Variants in SYN3 observed in about 807,000 individuals in gnomAD.
SYN3 encodes synapsin III, also known as synapsin-3.
A neutral mutation model predicts 65.8 loss-of-function variants in SYN3; 35 were observed. The ratio of observed to expected loss-of-function variants is 0.53; its 90% CI spans 0.41 to 0.70. The LOEUF is 0.70. Among genes scored for constraint, SYN3 ranks in the 30% least tolerant of loss-of-function variants. SYN3 has a pLI of 0.00. For missense variants in SYN3, 680 were observed against 749.0 expected, an observed-to-expected ratio of 0.91 and a Z score of 1.08; for synonymous variants, 270 against 292.9, an observed-to-expected ratio of 0.92 and a Z score of 0.80.
intron 1 of SYN3, among the ~76,000 whole-genome samples, chr22:33,052,916 T>G (rs185201617): frequency 6.6e-6 from 1 of 152,362 alleles, no homozygotes; most frequent in Non-Finnish European, 1.5e-5. Context: ...TCAACCCATC[T>G]AAATCAGAAC....
intron 3 of SYN3, among the ~76,000 whole-genome samples, chr22:32,950,669 T>C (rs1406993765): frequency 6.6e-6 from 1 of 152,112 alleles, no homozygotes; most frequent in Non-Finnish European, 1.5e-5. Context: ...ATCTAGTTAG[T>C]AACATCCGCA....
At chr22:32,557,207 T>A (rs1376778179) in intron 7 of SYN3, among the ~76,000 whole-genome samples, 1 of 151,620 alleles carries the variant, frequency 6.6e-6, no homozygotes, top group Non-Finnish European at 1.5e-5. Flanking sequence ...CATGAAGGAG[T>A]TCACAGTCCA....
intron 6 of SYN3, among the ~76,000 whole-genome samples, chr22:32,770,059 T>C (rs773453526): frequency 2.0e-5 from 3 of 152,212 alleles, no homozygotes; most frequent in Non-Finnish European, 4.4e-5. Context: ...AATCTGCAGC[T>C]TTCCCCATCT....
chr22:32,904,877 T>C (rs1410157162), intron 4 of SYN3, among the ~76,000 whole-genome samples: 1 of 152,188 alleles, frequency 6.6e-6, no homozygotes, highest in Non-Finnish European at 1.5e-5. Context: ...TGTAAGGCAT[T>C]CTTTGCATGC....
rs546871335 is a variant in SYN3 at position 32,763,936 on chromosome 22, C to G, written c.711+100979G>C. 0.016 allele frequency among the ~76,000 whole-genome samples: 280 copies of G among 17,860 alleles called. 6 individuals are homozygous for G. The East Asian group carries it at 0.22, about 14-fold the overall frequency. The allele number at this position is 17,860 out of a possible 152,430, so 11.7% of individuals were successfully genotyped here. On this transcript the variant is annotated intron_variant, in intron 6 of 13. Transcript: ENST00000358763. ...GCCTCCAAAATTTGGTGTAGAAGCC[C>G]CCCCCCCCTTTTTTTTTTTGAGACT...
At chr22:32,905,655 T>C (rs1312266437) in intron 4 of SYN3, among the ~76,000 whole-genome samples, 1 of 152,224 alleles carries the variant, frequency 6.6e-6, no homozygotes, top group Non-Finnish European at 1.5e-5. Context: ...AGTAAGTCAC[T>C]TATCCAAGGC....
chr22:32,790,193 A>T (rs1388815319), intron 6 of SYN3, among the ~76,000 whole-genome samples: 1 of 152,200 alleles, frequency 6.6e-6, no homozygotes, highest in Non-Finnish European at 1.5e-5. Context: ...TGGTGTAAAT[A>T]CTTCCATCAT....
rs151051257 is a variant in SYN3 at position 32,518,188 on chromosome 22, G to A, written c.1465C>T (p.Arg489Trp). 143 of 1,613,754 alleles carry A rather than the reference G, an allele frequency of 8.9e-5. No individual in the cohort carries two copies. In the African/African-American group the frequency reaches 8.9e-4, roughly 10 times the overall value. ...TTTGGGGAGCTGCCACTGGATGCCCGGGATAGCTGCGGAGAGCCTGGTGAC... is the reference window on the plus strand; with the variant it reads ...TTTGGGGAGCTGCCACTGGATGCCCAGGATAGCTGCGGAGAGCCTGGTGAC... ...QRSPGSPQLS[R>W]ASSGSSPNQA... The change falls in exon 13 of 14, where the codon CGG becomes TGG. Residue 489 changes from arginine to tryptophan, a missense_variant. Coordinates refer to ENST00000358763, the MANE Select transcript of SYN3 (RefSeq NM_003490.4).
intron 4 of SYN3, among the ~76,000 whole-genome samples, chr22:32,926,378 TTCTTTATG>T (rs1186333152): frequency 6.6e-6 from 1 of 152,250 alleles, no homozygotes; most frequent in African/African-American, 2.4e-5. Flanking sequence ...AATCAGGAAC[TTCTTTATG>T]TCTCCTTATA....
At chr22:32,560,533 C>T (rs1034969810) in intron 7 of SYN3, among the ~76,000 whole-genome samples, 2 of 152,104 alleles carry the variant, frequency 1.3e-5, no homozygotes, top group Non-Finnish European at 2.9e-5. Flanking sequence ...CGATTCCAGG[C>T]AGACAATAGC....
At chr22:32,911,068 T>C (rs1021530989) in intron 4 of SYN3, among the ~76,000 whole-genome samples, 2 of 152,204 alleles carry the variant, frequency 1.3e-5, no homozygotes, top group East Asian at 1.9e-4. Flanking sequence ...CATAGGGTCA[T>C]AGCAATTTGC....
intron 6 of SYN3, among the ~76,000 whole-genome samples, chr22:32,700,521 C>G (rs2060797234): frequency 6.6e-6 from 1 of 152,122 alleles, no homozygotes; most frequent in Non-Finnish European, 1.5e-5. Flanking sequence ...TTTAGACAAC[C>G]AGGAGGCAAG....
At chr22:32,534,131 G>A (rs1277733398) in intron 9 of SYN3, among the ~76,000 whole-genome samples, 3 of 152,100 alleles carry the variant, frequency 2.0e-5, no homozygotes, top group African/African-American at 7.2e-5. Context: ...ACATGACAGT[G>A]AGAGAGAGAC....
intron 6 of SYN3, among the ~76,000 whole-genome samples, chr22:32,736,529 AT>A (rs949272527): frequency 6.6e-6 from 1 of 151,998 alleles, no homozygotes; most frequent in Non-Finnish European, 1.5e-5. Flanking sequence ...GCTTTGTATA[AT>A]TTTTTTTCTC....
rs544612095 is a variant in SYN3, at chr22:32,610,977, G to A, written c.712-14241C>T. 6.8e-4 allele frequency among the ~76,000 whole-genome samples: 104 copies of A among 152,316 alleles called. 1 individual carries two copies. The highest frequency in any genetic ancestry group is 2.2e-3 in the African/African-American group (93 of 41,570). On this transcript the variant is annotated intron_variant, in intron 6 of 13. Transcript: ENST00000358763. ...TTCTGTTGTATGGATGGTGTCTGAC[G>A]TTTAATTATATTTTGGAATGACCTG...
At chr22:32,799,532 G>A (rs2046511027) in intron 6 of SYN3, among the ~76,000 whole-genome samples, 1 of 152,104 alleles carries the variant, frequency 6.6e-6, no homozygotes, top group African/African-American at 2.4e-5. Flanking sequence ...AGAAAATATC[G>A]GCACTTTGGA....
chr22:32,972,812 G>A (rs896889043), intron 3 of SYN3, among the ~76,000 whole-genome samples: 5 of 151,556 alleles, frequency 3.3e-5, no homozygotes, highest in East Asian at 1.9e-4. Context: ...AGGCAACATC[G>A]CGATGCCTTA....
chr22:32,949,149 A>G (rs2051208131), intron 3 of SYN3, among the ~76,000 whole-genome samples: 1 of 152,172 alleles, frequency 6.6e-6, no homozygotes, highest in East Asian at 1.9e-4. Context: ...AGCAGCTCAC[A>G]CTGATTTAAT....
intron 6 of SYN3, among the ~76,000 whole-genome samples, chr22:32,775,579 G>A (rs2045888820): frequency 6.6e-6 from 1 of 152,144 alleles, no homozygotes; most frequent in African/African-American, 2.4e-5. Flanking sequence ...CAACCCAGAA[G>A]GGTGGCCCCA....
Sources: allele counts gnomAD v4.1 joint callset (sites outside exome capture counted in the v4.1 genomes callset), GRCh38; gene constraint gnomAD v4.1.1; transcripts MANE v1.5; gene names NCBI Gene and HGNC (gene_info 2026-07-23, HGNC 2026-07-21).